FHIP1A: variants seen among roughly 807,000 people sequenced by gnomAD.
FHIP1A encodes FHF complex subunit HOOK interacting protein 1A.
In FHIP1A, 61 loss-of-function variants were observed where a neutral mutation model predicts 88.6. The ratio of observed to expected loss-of-function variants is 0.69; its 90% CI spans 0.56 to 0.85. The LOEUF (loss-of-function observed/expected upper bound fraction) is 0.85, where lower values mean the gene tolerates loss of function less well. Among genes scored for constraint, FHIP1A ranks in the 40% least tolerant of loss-of-function variants. FHIP1A has a pLI of 0.00. For synonymous variants in FHIP1A, 478 were observed against 496.0 expected (o/e 0.96, Z 0.48); for missense variants, 1,154 against 1,273.5 (o/e 0.91, Z 1.43).
In FHIP1A at chr4:151,581,047, C is replaced by T. The variant is rs372184342; in HGVS notation, c.732+2971C>T. Among the ~76,000 whole-genome samples, 7 of 152,252 alleles carry T rather than the reference C, an allele frequency of 4.6e-5. No homozygotes were observed. The South Asian group carries it at 6.2e-4, about 14-fold the overall frequency. On this transcript the variant is annotated intron_variant, in intron 5 of 13. Transcript: ENST00000435205. ...TAATTTTTTGTATTTTTAGTAGAGA[C>T]AGAGTTTTACCATGTTGACCAGGCT...
chr4:151,600,127 C>G (rs1421465703), intron 7 of FHIP1A, among the ~76,000 whole-genome samples: 1 of 152,190 alleles, frequency 6.6e-6, no homozygotes, highest in Non-Finnish European at 1.5e-5. Flanking sequence ...TTGTAGCTAG[C>G]TTTTCTCCAT....
chr4:151,565,575 T>TA (rs369562970), intron 3 of FHIP1A, among the ~76,000 whole-genome samples: 80 of 152,128 alleles, frequency 5.3e-4, no homozygotes, highest in African/African-American at 1.8e-3. Flanking sequence ...GCCATTGATT[T>TA]AAAAAAATAT....
At chr4:151,578,279 A>AT (rs1733883922) in intron 5 of FHIP1A, among the ~76,000 whole-genome samples, 1 of 152,222 alleles carries the variant, frequency 6.6e-6, no homozygotes, top group Non-Finnish European at 1.5e-5. Flanking sequence ...TCAGCTCATC[A>AT]TAAGCCAACA....
chr4:151,604,037 G>A (rs1257994684), intron 7 of FHIP1A, among the ~76,000 whole-genome samples: 1 of 152,158 alleles, frequency 6.6e-6, no homozygotes, highest in East Asian at 1.9e-4. Context: ...TCTACATGCT[G>A]TGTCACAGCC....
intron 1 of FHIP1A, among the ~76,000 whole-genome samples, chr4:151,423,032 G>C (rs1413469920): frequency 1.3e-5 from 2 of 152,178 alleles, no homozygotes; most frequent in Non-Finnish European, 2.9e-5. Context: ...AGTGTCTAAT[G>C]ATGACACAGG....
intron 9 of FHIP1A, among the ~76,000 whole-genome samples, chr4:151,642,199 G>A (rs1736613570): frequency 6.6e-6 from 1 of 152,232 alleles, no homozygotes; most frequent in Non-Finnish European, 1.5e-5. Flanking sequence ...ATGCTGACAA[G>A]CAGTGAGGTA....
intron 3 of FHIP1A, among the ~76,000 whole-genome samples, chr4:151,527,384 C>T (rs892332863): frequency 6.6e-6 from 1 of 152,206 alleles, no homozygotes; most frequent in African/African-American, 2.4e-5. Context: ...ACCAGTCAGG[C>T]GTGGCGGCGC....
chr4:151,514,544 G>T (rs986893018), intron 3 of FHIP1A, among the ~76,000 whole-genome samples: 2 of 151,698 alleles, frequency 1.3e-5, no homozygotes, highest in Non-Finnish European at 2.9e-5. Context: ...CAACAAAATT[G>T]ATAGACCGCT....
In FHIP1A at chr4:151,656,631, G is replaced by A. The variant is rs1737251218; in HGVS notation, c.2731-129G>A. 2.6e-6 allele frequency: 3 copies of A among 1,138,510 alleles called. No individual in the cohort carries two copies. The highest frequency in any genetic ancestry group is 3.2e-5 in the South Asian group (2 of 62,544). 70.5% of individuals were successfully genotyped at this position (1,138,510 alleles called of 1,614,324 possible). A position where few individuals can be genotyped will look rare whatever the true frequency, so the allele number is the denominator to read the frequency against. On this transcript the variant is annotated intron_variant, in intron 12 of 13. Transcript: ENST00000435205. The surrounding 1 kb of genome is among the most constrained non-coding windows in gnomAD (Gnocchi z 4.2). ...GTGCCCTACGCAGAACACCCAGGCAGTTAAAAATGAACAAATGTCTAACAT... is the reference window on the plus strand; with the variant it reads ...GTGCCCTACGCAGAACACCCAGGCAATTAAAAATGAACAAATGTCTAACAT...
At chr4:151,652,257 T>G (rs1737058380) in intron 11 of FHIP1A, among the ~76,000 whole-genome samples, 1 of 152,234 alleles carries the variant, frequency 6.6e-6, no homozygotes, top group Non-Finnish European at 1.5e-5. Flanking sequence ...CTACAAGCTC[T>G]TTGATACATA....
intron 7 of FHIP1A, among the ~76,000 whole-genome samples, chr4:151,613,455 G>A (rs565010793): frequency 2.0e-5 from 3 of 152,214 alleles, no homozygotes; most frequent in Non-Finnish European, 4.4e-5. Context: ...AGTGCAGGCC[G>A]AGGGCTGTCA....
intron 1 of FHIP1A, among the ~76,000 whole-genome samples, chr4:151,445,209 A>T (rs1728546695): frequency 6.6e-6 from 1 of 152,208 alleles, no homozygotes; most frequent in African/African-American, 2.4e-5. Context: ...ATTAAAGGAT[A>T]CAAATGAACA....
At chr4:151,556,249 A>G (rs1732943679) in intron 3 of FHIP1A, among the ~76,000 whole-genome samples, 5 of 152,154 alleles carry the variant, frequency 3.3e-5, no homozygotes, top group Admixed American at 1.3e-4. Flanking sequence ...AGTTCATTAT[A>G]TAGTTATTGA....
intron 8 of FHIP1A, among the ~76,000 whole-genome samples, chr4:151,633,062 C>CTA (rs1342550488): frequency 6.6e-6 from 1 of 151,550 alleles, no homozygotes; most frequent in Non-Finnish European, 1.5e-5. Context: ...ATTGATTGAC[C>CTA]ATTAGCTGGA....
intron 3 of FHIP1A, among the ~76,000 whole-genome samples, chr4:151,564,896 CT>C (rs1733323841): frequency 6.6e-6 from 1 of 152,168 alleles, no homozygotes; most frequent in African/African-American, 2.4e-5. Context: ...AACAGAAGTG[CT>C]TGTTTTAAAT....
At position 151,662,610 on chromosome 4, in the gene FHIP1A, C is replaced by A. The variant is rs959339311; in HGVS notation, c.2979C>A (p.Pro993=). ...ACAGAACCAAGGTGGCTGAGGCACC[C>A]CCCAACCTGCCCCTGCCGGTGAGGA... ...LTHRTKVAEA[P]PNLPLPVRNP... The change falls in exon 14 of 14, where the codon CCC becomes CCA. Residue 993 remains proline (P), a synonymous_variant. Transcript: ENST00000435205. 2 of 1,551,668 alleles carry A rather than the reference C, an allele frequency of 1.3e-6. No homozygotes were observed. The highest frequency in any genetic ancestry group is 1.7e-6 in the Non-Finnish European group (2 of 1,146,988).
intron 1 of FHIP1A, among the ~76,000 whole-genome samples, chr4:151,412,538 T>C (rs1034448439): frequency 1.8e-4 from 28 of 152,036 alleles, no homozygotes; most frequent in African/African-American, 6.8e-4. Context: ...TGGTTGGATG[T>C]GAAATGGGCT....
At position 151,576,584 on chromosome 4, in the gene FHIP1A, C is replaced by G. The variant is rs1413957154; in HGVS notation, c.106-866C>G. Among the ~76,000 whole-genome samples, 3 of 152,174 alleles carry G rather than the reference C, an allele frequency of 2.0e-5. No individual in the cohort carries two copies. In the East Asian group the frequency reaches 5.8e-4, roughly 29 times the overall value. On this transcript the variant is annotated intron_variant, in intron 4 of 13. Coordinates refer to ENST00000435205, the MANE Select transcript of FHIP1A (RefSeq NM_001109977.3). ...CTCCCAAAGTGCTTAATTATCAGCT[C>G]TATTTCCAAAACTTTTTAATCACTC...
At chr4:151,613,828 T>C (rs1208280590) in intron 7 of FHIP1A, among the ~76,000 whole-genome samples, 1 of 152,144 alleles carries the variant, frequency 6.6e-6, no homozygotes, top group Non-Finnish European at 1.5e-5. Flanking sequence ...GATTCTAACA[T>C]GGAACTTGGG....
Sources: gnomAD v4.1 joint callset for allele counts (sites outside exome capture counted in the v4.1 genomes callset) on GRCh38, gnomAD v4.1.1 for gene constraint, Gnocchi (gnomAD v3.1) non-coding constraint, MANE v1.5 for transcripts, NCBI Gene and HGNC (gene_info 2026-07-23, HGNC 2026-07-21) for gene names.